The following DNAJB4 variants were observed in gnomAD, a reference collection of about 807,000 sequenced individuals.
DNAJB4 encodes dnaJ homolog subfamily B member 4.
In DNAJB4, 10 loss-of-function variants were observed where a neutral mutation model predicts 26.6. The observed-to-expected ratio is 0.38, with a 90% CI of 0.23 to 0.64. The LOEUF is 0.64. Among genes scored for constraint, DNAJB4 ranks in the 30% least tolerant of loss-of-function variants. The probability of loss-of-function intolerance (pLI) is 0.58; values close to 1 mark genes in which losing one functional copy is unlikely to be tolerated. For missense variants in DNAJB4, 328 were observed against 408.2 expected (o/e 0.80, Z 1.69); for synonymous variants, 136 against 134.8 (o/e 1.01, Z -0.06).
intron 2 of DNAJB4, among the ~76,000 whole-genome samples, chr1:78,015,550 C>CT (rs766899519): frequency 0.21 from 12,237 of 57,792 alleles, 1,441 homozygotes; most frequent in African/African-American, 0.38. Context: ...TTTCTTTCTT[C>CT]TTTTTTTTTT....
At chr1:77,990,234 A>G (rs936127693) in intron 1 of DNAJB4, among the ~76,000 whole-genome samples, 2 of 152,006 alleles carry the variant, frequency 1.3e-5, no homozygotes, top group African/African-American at 4.8e-5. Flanking sequence ...TGTCTTTTTT[A>G]TTGTCTCCTG....
chr1:77,992,040 C>T (rs977087776), intron 1 of DNAJB4, among the ~76,000 whole-genome samples: 1 of 152,170 alleles, frequency 6.6e-6, no homozygotes, highest in African/African-American at 2.4e-5. Flanking sequence ...TCACTATTCT[C>T]TAATTTAGCA....
In DNAJB4 at chr1:78,013,517, T is replaced by C; in HGVS notation, c.678T>C (p.Ser226=). The change falls in exon 2 of 3, where the codon AGT becomes AGC. Residue 226 remains serine, a synonymous_variant. Transcript: ENST00000370763. ...GAGAAGGAGATGAAACACCAAATAG[T>C]ATTCCAGCAGACATTGTTTTTATCA... The part of the protein sequence containing the change: ...FPREGDETPN[S]IPADIVFIIK... 6.2e-7 allele frequency: 1 copy of C among 1,613,940 alleles called. No individual in the cohort carries two copies. The highest frequency in any genetic ancestry group is 8.5e-7 in the Non-Finnish European group (1 of 1,179,998).
chr1:78,008,911 G>T (rs1660397388), intron 1 of DNAJB4, among the ~76,000 whole-genome samples: 1 of 151,992 alleles, frequency 6.6e-6, no homozygotes, highest in African/African-American at 2.4e-5. Flanking sequence ...TAAAAGAAAA[G>T]ATTTTCAATA....
chr1:77,985,660 C>T (rs1292480326), intron 1 of DNAJB4, among the ~76,000 whole-genome samples: 1 of 152,016 alleles, frequency 6.6e-6, no homozygotes, highest in Non-Finnish European at 1.5e-5. Context: ...TAACTATGCA[C>T]TTTGATATAA....
At chr1:77,979,181 G>T, upstream of DNAJB4, 1 of 637,166 alleles carries the variant, frequency 1.6e-6, no homozygotes, top group Non-Finnish European at 2.7e-6. Flanking sequence ...CAACGCGCTG[G>T]TGTGGGTTAG....
In DNAJB4 at chr1:78,005,357, CTCTG is replaced by C. The variant is rs557468709; in HGVS notation, c.211+40_211+43del. 1,377 of 1,426,030 alleles carry C rather than the reference CTCTG, an allele frequency of 9.7e-4. 15 individuals are homozygous for C. In the South Asian group the frequency reaches 0.017, roughly 17 times the overall value. 88.3% of individuals were successfully genotyped at this position (1,426,030 alleles called of 1,614,324 possible). The stretch of plus-strand genomic sequence containing the variant: ...TCTGTATATCTTTCTGTCTCTTCAG[CTCTG>C]TCTCTTTTTTTTTTTTCTCTCTCTC... On this transcript the variant is annotated intron_variant, in intron 1 of 2. Transcript: ENST00000370763.
chr1:78,014,031 A>G (rs949261629), intron 2 of DNAJB4, among the ~76,000 whole-genome samples: 3 of 152,026 alleles, frequency 2.0e-5, no homozygotes, highest in Non-Finnish European at 4.4e-5. Flanking sequence ...TATTAATAAA[A>G]AATACATTTA....
At chr1:77,997,930 G>A (rs1660100495) in intron 1 of DNAJB4, among the ~76,000 whole-genome samples, 1 of 152,022 alleles carries the variant, frequency 6.6e-6, no homozygotes, top group Non-Finnish European at 1.5e-5. Flanking sequence ...TGAGACCACA[G>A]GTGCACGCCA....
intron 1 of DNAJB4, among the ~76,000 whole-genome samples, chr1:77,991,694 T>G (rs952448231): frequency 6.6e-6 from 1 of 152,224 alleles, no homozygotes; most frequent in Non-Finnish European, 1.5e-5. Context: ...GTCCATTTAG[T>G]GCCACATTTT....
At chr1:78,002,158 C>T (rs1050089756), upstream of DNAJB4, among the ~76,000 whole-genome samples, 1 of 151,872 alleles carries the variant, frequency 6.6e-6, no homozygotes, top group African/African-American at 2.4e-5. Context: ...ATTTATTTTA[C>T]TTTTATTAAA....
intron 1 of DNAJB4, among the ~76,000 whole-genome samples, chr1:77,994,433 G>A (rs1660012565): frequency 6.6e-6 from 1 of 150,814 alleles, no homozygotes; most frequent in African/African-American, 2.4e-5. Context: ...TTTGAGAATT[G>A]TAAACAATTA....
chr1:77,995,733 G>A (rs1194466720), intron 1 of DNAJB4, among the ~76,000 whole-genome samples: 2 of 152,238 alleles, frequency 1.3e-5, no homozygotes, highest in Admixed American at 6.5e-5. Context: ...GATTACAAGT[G>A]TGAGCTATCA....
intron 1 of DNAJB4, among the ~76,000 whole-genome samples, chr1:78,010,883 G>A (rs1209284365): frequency 6.6e-6 from 1 of 152,052 alleles, no homozygotes; most frequent in African/African-American, 2.4e-5. Flanking sequence ...AAGGACTTTA[G>A]GAATTAGTTC....
At chr1:77,999,820 T>C (rs1350006779) in intron 1 of DNAJB4, among the ~76,000 whole-genome samples, 43 of 152,280 alleles carry the variant, frequency 2.8e-4, no homozygotes, top group African/African-American at 9.6e-4. Context: ...AAACCAAGTA[T>C]TCAGATTTTT....
chr1:77,986,120 G>C (rs1461674105), intron 1 of DNAJB4, among the ~76,000 whole-genome samples: 1 of 152,132 alleles, frequency 6.6e-6, no homozygotes, highest in African/African-American at 2.4e-5. Flanking sequence ...GTGAATGTGA[G>C]TCATTGTCAT....
At chr1:78,004,423 T>C (rs1439608791), upstream of DNAJB4, 1 of 152,246 alleles carries the variant, frequency 6.6e-6, no homozygotes, top group Non-Finnish European at 1.5e-5. Context: ...ACACAAACTT[T>C]CTGGCGTTTC....
chr1:78,003,897 G>A (rs1485002500), upstream of DNAJB4, among the ~76,000 whole-genome samples: 3 of 152,112 alleles, frequency 2.0e-5, no homozygotes, highest in African/African-American at 4.8e-5. Context: ...ATATTTAACA[G>A]GGATTACCTA....
chr1:77,986,631 A>G (rs1426494359), intron 1 of DNAJB4, among the ~76,000 whole-genome samples: 1 of 152,118 alleles, frequency 6.6e-6, no homozygotes, highest in Non-Finnish European at 1.5e-5. Context: ...TCAAATCACC[A>G]TTTGCTACTT....
Sources: allele counts gnomAD v4.1 joint callset (sites outside exome capture counted in the v4.1 genomes callset), GRCh38; gene constraint gnomAD v4.1.1; transcripts MANE v1.5; gene names NCBI Gene and HGNC (gene_info 2026-07-23, HGNC 2026-07-21).